Variants in CWH43 observed in about 807,000 individuals in gnomAD.
CWH43 encodes the protein PGAP2-interacting protein.
A neutral mutation model predicts 85.7 loss-of-function variants in CWH43; 91 were observed. The observed-to-expected ratio is 1.06, with a 90% confidence interval of 0.90 to 1.26. The LOEUF (loss-of-function observed/expected upper bound fraction) is 1.26, where lower values mean the gene tolerates loss of function less well. Among genes scored for constraint, CWH43 ranks in the 50% most tolerant of loss-of-function variants. The pLI is 0.00. For missense variants in CWH43, 869 were observed against 839.2 expected (o/e 1.04, Z -0.44); for synonymous variants, 323 against 293.6 (o/e 1.10, Z -1.02).
chr4:49,014,301 A>G (rs984771743), intron 8 of CWH43, among the ~76,000 whole-genome samples: 3 of 152,054 alleles, frequency 2.0e-5, no homozygotes, highest in Non-Finnish European at 4.4e-5. Context: ...AAAAATTTAA[A>G]AATCAGCCAT....
intron 8 of CWH43, among the ~76,000 whole-genome samples, chr4:49,013,290 C>G (rs1053657306): frequency 4.6e-5 from 7 of 152,278 alleles, no homozygotes; most frequent in African/African-American, 9.6e-5. Context: ...GTGAGGTACC[C>G]ACCCAGCCAG....
In CWH43 at chr4:48,986,934, G is replaced by T. The variant is rs541628803; in HGVS notation, c.43+462G>T. 1.8e-5 allele frequency: 9 copies of T among 487,972 alleles called. No homozygotes were observed. In the South Asian group the frequency reaches 6.0e-4, roughly 33 times the overall value. 30.2% of individuals were successfully genotyped at this position (487,972 alleles called of 1,614,324 possible). A position where few individuals can be genotyped will look rare whatever the true frequency, so the allele number is the denominator to read the frequency against. ...GGCGGCAGCTGCTGCCGTGGGCTGG[G>T]CCCAGGACAAGTGGCCTTGGTGTCG... On this transcript the variant is annotated intron_variant, in intron 1 of 15. Transcript: ENST00000226432.
chr4:49,000,241 T>C lies in CWH43; in HGVS notation c.802+1693T>C, dbSNP rs536637938. Among the ~76,000 whole-genome samples the C allele has an allele frequency of 3.9e-5, 6 of 152,300 alleles. No homozygotes were observed. The East Asian group carries it at 1.2e-3, about 29-fold the overall frequency. On this transcript the variant is annotated intron_variant, in intron 6 of 15. Transcript: ENST00000226432. ...GATGACAACATAGCAAGTGAATTTC[T>C]GTACACCGTAAGTGCCGTCACATTT...
chr4:49,051,218 T>A (rs549086539), intron 15 of CWH43, among the ~76,000 whole-genome samples: 3 of 152,310 alleles, frequency 2.0e-5, no homozygotes, highest in South Asian at 4.1e-4. Context: ...TATTGGTTGG[T>A]CCTCTTATTA....
rs1376272902 is a variant in CWH43, at chr4:48,998,514, G to A, written c.768G>A (p.Trp256Ter). ...ASGLMLPSCL[W>*]FRGTGLIWWV... ...GATTGATGCTTCCATCTTGTTTGTG[G>A]TTTCGTGGTACTGGTTTGATCTGGT... is the stretch of plus-strand genomic sequence containing the variant. Residue 256 changes from tryptophan (W) to a stop codon, truncating the protein, a stop_gained, in exon 6 of 16, where the codon TGG becomes TGA. Coordinates refer to ENST00000226432, the MANE Select transcript of CWH43 (RefSeq NM_025087.3). LOFTEE classifies it high-confidence loss of function. 3 of 1,613,846 alleles carry A rather than the reference G, an allele frequency of 1.9e-6. No homozygotes were observed. The highest frequency in any genetic ancestry group is 2.2e-5 in the East Asian group (1 of 44,900).
Position 49,061,896 on chromosome 4 carries a change from T to C in CWH43, c.*6T>C, listed in dbSNP as rs765965184. The C allele has an allele frequency of 2.2e-6, 3 of 1,354,828 alleles. No homozygotes were observed. The Admixed American group carries it at 9.0e-5, about 41-fold the overall frequency. The allele number at this position is 1,354,828 out of a possible 1,614,324, so 83.9% of individuals were successfully genotyped here. ...CTCCCAAATACTTTTTATGAAACAT[T>C]TAAAACAAGAAGTTATTGGCTGGGA... On this transcript the variant is annotated 3_prime_UTR_variant, in exon 16 of 16. Coordinates refer to ENST00000226432, the MANE Select transcript of CWH43 (RefSeq NM_025087.3).
At chr4:49,011,348 C>A (rs1783352233) in intron 8 of CWH43, among the ~76,000 whole-genome samples, 1 of 152,016 alleles carries the variant, frequency 6.6e-6, no homozygotes, top group Admixed American at 6.6e-5. Context: ...TCCTCCATCC[C>A]TTTATTTTGA....
chr4:48,998,579 G>A (rs368956715), intron 6 of CWH43, 31 bp downstream of exon 6: 34 of 1,488,106 alleles, frequency 2.3e-5, no homozygotes, highest in South Asian at 1.4e-4. Context: ...GATAGAACAC[G>A]ACTGAGCTTG....
chr4:49,051,138 G>T (rs1049154038), intron 15 of CWH43, among the ~76,000 whole-genome samples: 1 of 152,106 alleles, frequency 6.6e-6, no homozygotes, highest in Admixed American at 6.6e-5. Flanking sequence ...CTCCACGATA[G>T]CTAGTATTTG....
At chr4:49,037,941 C>A in intron 12 of CWH43, 95 bp from the exon 13 acceptor site, 7 of 1,045,390 alleles carry the variant, frequency 6.7e-6, no homozygotes, top group Non-Finnish European at 5.6e-6. Flanking sequence ...GGCTTCTTCA[C>A]TATATGCAGA....
chr4:48,997,127 T>C (rs1782839351), intron 5 of CWH43, among the ~76,000 whole-genome samples: 2 of 152,178 alleles, frequency 1.3e-5, no homozygotes, highest in South Asian at 4.1e-4. Flanking sequence ...ACAGAATAGG[T>C]GTGTTTCTCA....
chr4:49,043,395 G>A (rs1039424679), intron 13 of CWH43, among the ~76,000 whole-genome samples: 1 of 152,228 alleles, frequency 6.6e-6, no homozygotes, highest in African/African-American at 2.4e-5. Context: ...GTGTGTGCAT[G>A]TGCACGTGAG....
intron 14 of CWH43, among the ~76,000 whole-genome samples, chr4:49,047,698 C>A (rs550650865): frequency 6.6e-6 from 1 of 151,452 alleles, no homozygotes; most frequent in African/African-American, 2.4e-5. Flanking sequence ...GGGTGAGGGG[C>A]GGCCGAGGAG....
At chr4:48,989,659 C>T (rs1434614390) in intron 2 of CWH43, among the ~76,000 whole-genome samples, 1 of 152,142 alleles carries the variant, frequency 6.6e-6, no homozygotes, top group East Asian at 1.9e-4. Flanking sequence ...AATTCCTGAG[C>T]TCAAGCCATT....
At position 49,050,793 on chromosome 4, in the gene CWH43, C is replaced by A. The variant is rs1203877339; in HGVS notation, c.1965C>A (p.Asn655Lys). The A allele has an allele frequency of 1.2e-6, 2 of 1,612,586 alleles. No homozygotes were observed. Among genetic ancestry groups the A allele is most frequent in the South Asian group, 2.2e-5 (2 of 90,986 alleles). ...ATGACCCCACTAATTATAGAGACAA[C>A]CAGAAAGTGGTCATAGACCACAGAG... ...IPDDPTNYRD[N>K]QKVVIDHREV... Residue 655 changes from asparagine (N) to lysine (K), a missense_variant, in exon 15 of 16, where the codon AAC becomes AAA. Physicochemically the swap from Asn to Lys is moderately conservative, Grantham distance 94 (BLOSUM62 0). This residue lies in a region of CWH43 where 577 missense variants were observed against 513.1 expected (regional missense o/e 1.12). Coordinates refer to ENST00000226432, the MANE Select transcript of CWH43 (RefSeq NM_025087.3).
intron 6 of CWH43, among the ~76,000 whole-genome samples, chr4:48,999,997 T>G (rs561623318): frequency 6.6e-6 from 1 of 152,150 alleles, no homozygotes; most frequent in Non-Finnish European, 1.5e-5. Flanking sequence ...ATGCCAGCCC[T>G]CCTCCTTTCC....
chr4:49,046,616 G>A (rs756814266), intron 14 of CWH43, among the ~76,000 whole-genome samples: 4 of 152,046 alleles, frequency 2.6e-5, no homozygotes, highest in Non-Finnish European at 4.4e-5. Context: ...TGAAATCTTG[G>A]CAGCACCTCA....
At position 49,011,278 on chromosome 4, in the gene CWH43, A is replaced by G. The variant is rs1344760887; in HGVS notation, c.1186+3952A>G. Among the ~76,000 whole-genome samples the G allele has an allele frequency of 2.0e-5, 3 of 152,132 alleles. No individual in the cohort carries two copies. The East Asian group carries it at 5.8e-4, about 29-fold the overall frequency. On this transcript the variant is annotated intron_variant, in intron 8 of 15. Transcript: ENST00000226432. ...TCTATGTTGGTTTAAAGCCTGTTGT[A>G]TCAGAGACTAGGATTGCAACCCCTG...
intron 9 of CWH43, among the ~76,000 whole-genome samples, chr4:49,026,398 T>A (rs1392097065): frequency 1.3e-5 from 2 of 152,208 alleles, no homozygotes; most frequent in Non-Finnish European, 2.9e-5. Context: ...CATGTTCCTG[T>A]GGTAGTTCTT....
Sources: gnomAD v4.1 joint callset for allele counts (sites outside exome capture counted in the v4.1 genomes callset) on GRCh38, gnomAD v4.1.1 for gene constraint, gnomAD v4.1.1 regional missense constraint, MANE v1.5 for transcripts, NCBI Gene and HGNC (gene_info 2026-07-23, HGNC 2026-07-21) for gene names.